The following GMDS variants were observed in gnomAD, a reference collection of about 807,000 sequenced individuals.
GMDS encodes the protein GDP-mannose 4,6 dehydratase.
Under a neutral mutation model 49.9 loss-of-function variants are expected in GMDS, and 20 were observed. That is an observed-to-expected ratio of 0.40 (90% confidence interval 0.28 to 0.58). The LOEUF is 0.58. Ranked by LOEUF, GMDS falls within the 20% of genes least tolerant of loss-of-function variation. GMDS has a pLI of 0.42. For synonymous variants in GMDS, 177 were observed against 178.6 expected, an observed-to-expected ratio of 0.99 and a Z score of 0.07; for missense variants, 362 against 481.4, an observed-to-expected ratio of 0.75 and a Z score of 2.32.
At chr6:1,791,147 GGA>G (rs1489124865) in intron 7 of GMDS, among the ~76,000 whole-genome samples, 2 of 152,190 alleles carry the variant, frequency 1.3e-5, no homozygotes, top group African/African-American at 4.8e-5. Flanking sequence ...CAGAGCCTCT[GGA>G]AGGGATGTAG....
chr6:1,989,606 G>A (rs1334021434), intron 4 of GMDS, among the ~76,000 whole-genome samples: 1 of 152,190 alleles, frequency 6.6e-6, no homozygotes, highest in Non-Finnish European at 1.5e-5. Flanking sequence ...AAAGCTCTGA[G>A]TACCTAGAAC....
At chr6:1,858,752 A>G (rs1758051839) in intron 7 of GMDS, among the ~76,000 whole-genome samples, 1 of 152,056 alleles carries the variant, frequency 6.6e-6, no homozygotes. Context: ...ATTTCTATAG[A>G]CCTTCCTGGG....
At chr6:2,203,214 G>A (rs542367333) in intron 1 of GMDS, among the ~76,000 whole-genome samples, 7 of 152,116 alleles carry the variant, frequency 4.6e-5, no homozygotes, top group Middle Eastern at 3.4e-3. Context: ...GGTAGTTAAC[G>A]TTTATTGATT....
chr6:2,063,736 G>A (rs951570003), intron 4 of GMDS, among the ~76,000 whole-genome samples: 3 of 152,126 alleles, frequency 2.0e-5, no homozygotes, highest in African/African-American at 7.2e-5. Flanking sequence ...GGAGCCCAAG[G>A]TCTCGGCAGC....
chr6:2,086,748 G>T (rs1773037964), intron 4 of GMDS, among the ~76,000 whole-genome samples: 1 of 152,242 alleles, frequency 6.6e-6, no homozygotes, highest in South Asian at 2.1e-4. Flanking sequence ...ACAATGAAGA[G>T]GTGATAGTAT....
intron 4 of GMDS, among the ~76,000 whole-genome samples, chr6:1,970,146 G>A (rs1413745093): frequency 1.3e-5 from 2 of 152,182 alleles, no homozygotes; most frequent in African/African-American, 2.4e-5. Context: ...AGAACTACAT[G>A]TGGTAAAAGA....
At chr6:2,168,295 C>T (rs113365830) in intron 1 of GMDS, among the ~76,000 whole-genome samples, 1,920 of 152,224 alleles carry the variant, frequency 0.013, 12 homozygotes, top group Middle Eastern at 0.051. Flanking sequence ...TGTTCTTTAC[C>T]AACAACAGCA....
At chr6:2,238,876 CTTCA>C (rs1176572758) in intron 1 of GMDS, among the ~76,000 whole-genome samples, 1 of 152,114 alleles carries the variant, frequency 6.6e-6, no homozygotes, top group Non-Finnish European at 1.5e-5. Flanking sequence ...CAAAAAGTCA[CTTCA>C]TTCATTTGAT....
chr6:1,660,257 G>T (rs1764024449), intron 9 of GMDS, among the ~76,000 whole-genome samples: 2 of 152,142 alleles, frequency 1.3e-5, no homozygotes, highest in Non-Finnish European at 1.5e-5. Flanking sequence ...CAAGCAAGGG[G>T]TCCTATTGGC....
chr6:2,037,917 T>C (rs13218855), intron 4 of GMDS, among the ~76,000 whole-genome samples: 36,006 of 152,050 alleles, frequency 0.24, 5,199 homozygotes, highest in East Asian at 0.48. Context: ...AATAGATAAA[T>C]AAGTACTGTA....
In GMDS at chr6:1,688,076, C is replaced by T. The variant is rs1030256960; in HGVS notation, c.987+38340G>A. 2.6e-5 allele frequency among the ~76,000 whole-genome samples: 4 copies of T among 152,074 alleles called. No individual in the cohort carries two copies. In the East Asian group the frequency reaches 5.8e-4, roughly 22 times the overall value. On this transcript the variant is annotated intron_variant, in intron 9 of 10. Transcript: ENST00000380815. ...CTTAAATCCACAGCAGAGAGGATGG[C>T]GGCTTTGTTTAGCGGGGCTTGGGAG...
intron 4 of GMDS, among the ~76,000 whole-genome samples, chr6:1,989,625 C>A (rs894391353): frequency 6.6e-6 from 1 of 152,218 alleles, no homozygotes; most frequent in Non-Finnish European, 1.5e-5. Flanking sequence ...ACACTGTGGG[C>A]ACTAGATGAC....
intron 1 of GMDS, among the ~76,000 whole-genome samples, chr6:2,189,856 C>G (rs755353889): frequency 2.2e-4 from 33 of 152,218 alleles, no homozygotes; most frequent in Admixed American, 5.9e-4. Flanking sequence ...CAATTCTGCT[C>G]AAACTTAAAG....
At chr6:2,157,087 AAACTCCATTTAT>A (rs1777148535) in intron 1 of GMDS, among the ~76,000 whole-genome samples, 1 of 152,258 alleles carries the variant, frequency 6.6e-6, no homozygotes, top group Admixed American at 6.5e-5. Flanking sequence ...GACTCACTAA[AAACTCCATTTAT>A]AACTGTAGCA....
chr6:2,228,063 C>T (rs1044440901), intron 1 of GMDS, among the ~76,000 whole-genome samples: 1 of 152,208 alleles, frequency 6.6e-6, no homozygotes, highest in African/African-American at 2.4e-5. Context: ...AGTGCTGAAC[C>T]TAGACAAAAT....
intron 9 of GMDS, among the ~76,000 whole-genome samples, chr6:1,633,739 G>A (rs1469223299): frequency 1.3e-5 from 2 of 152,182 alleles, no homozygotes; most frequent in African/African-American, 2.4e-5. Flanking sequence ...GGGAGTGACG[G>A]GGAGAGGAGC....
At chr6:2,008,808 T>G (rs114266838) in intron 4 of GMDS, among the ~76,000 whole-genome samples, 71 of 149,404 alleles carry the variant, frequency 4.8e-4, no homozygotes, top group African/African-American at 1.7e-3. Context: ...TGTAGACATG[T>G]GCTCCACAGC....
intron 9 of GMDS, among the ~76,000 whole-genome samples, chr6:1,669,161 A>G (rs948816202): frequency 1.3e-5 from 2 of 152,270 alleles, no homozygotes; most frequent in East Asian, 1.9e-4. Flanking sequence ...GACAGAAGAC[A>G]TTGATTTCAC....
intron 9 of GMDS, among the ~76,000 whole-genome samples, chr6:1,698,202 T>C (rs1429815280): frequency 2.0e-5 from 3 of 152,330 alleles, no homozygotes; most frequent in Non-Finnish European, 2.9e-5. Context: ...GCACAGTTTA[T>C]CTTGGTGAAT....
Sources: gnomAD v4.1 joint callset for allele counts (sites outside exome capture counted in the v4.1 genomes callset) on GRCh38, gnomAD v4.1.1 for gene constraint, MANE v1.5 for transcripts, NCBI Gene and HGNC (gene_info 2026-07-23, HGNC 2026-07-21) for gene names.